ZNF469: variants seen among roughly 807,000 people sequenced by gnomAD.
ZNF469 encodes zinc finger protein 469.
In ZNF469, 1 loss-of-function variant was observed where a neutral mutation model predicts 1.0. That is an observed-to-expected ratio of 1.00 (90% CI 0.35 to 4.73). ZNF469 has a LOEUF of 4.73. Among genes scored for constraint, ZNF469 ranks in the 30% most tolerant of loss-of-function variants. ZNF469 has a pLI of 0.16. For synonymous variants in ZNF469, 2,703 were observed against 2,363.4 expected (o/e 1.14, Z -4.17); for missense variants, 6,100 against 5,356.3 (o/e 1.14, Z -4.33).
chr16:88,408,308 C>A (rs954478428), intron 1 of ZNF469, among the ~76,000 whole-genome samples: 1 of 152,226 alleles, frequency 6.6e-6, no homozygotes, highest in African/African-American at 2.4e-5. Flanking sequence ...CCCACCACCA[C>A]GCCCGGCTAA....
At chr16:88,378,535 G>A (rs1000637234), upstream of ZNF469, among the ~76,000 whole-genome samples, 5 of 152,152 alleles carry the variant, frequency 3.3e-5, no homozygotes, top group Non-Finnish European at 2.9e-5. Flanking sequence ...ATCAGAGGCC[G>A]TCCAGATGGG....
intron 1 of ZNF469, among the ~76,000 whole-genome samples, chr16:88,414,459 C>A (rs1436482249): frequency 6.6e-6 from 1 of 152,232 alleles, no homozygotes; most frequent in Admixed American, 6.5e-5. Context: ...GTTGGAGGCC[C>A]AGGGATGCTG....
the ZNF469 span, among the ~76,000 whole-genome samples, chr16:88,198,145 C>T: frequency 6.6e-6 from 1 of 152,248 alleles, no homozygotes; most frequent in African/African-American, 2.4e-5. Context: ...GGGCTGAGGA[C>T]AGAGCCCTTT....
At chr16:88,108,819 G>C in the ZNF469 span, among the ~76,000 whole-genome samples, 1 of 152,218 alleles carries the variant, frequency 6.6e-6, no homozygotes, top group South Asian at 2.1e-4. Context: ...GGGGAGTCCA[G>C]TGCCATGTGC....
chr16:88,251,995 G>C, the ZNF469 span, among the ~76,000 whole-genome samples: 2 of 150,682 alleles, frequency 1.3e-5, no homozygotes, highest in African/African-American at 4.9e-5. Flanking sequence ...CGGTGTCTCA[G>C]TGGCTTCCTT....
the ZNF469 span, among the ~76,000 whole-genome samples, chr16:88,232,045 A>T: frequency 6.6e-6 from 1 of 152,052 alleles, no homozygotes. Flanking sequence ...AGGCTCCTGG[A>T]CCTGGAGCCT....
At chr16:88,222,018 A>G in the ZNF469 span, among the ~76,000 whole-genome samples, 1 of 151,872 alleles carries the variant, frequency 6.6e-6, no homozygotes, top group African/African-American at 2.4e-5. Context: ...CCGTGGGCTT[A>G]TTTTTTGGGG....
At chr16:88,163,706 T>A in the ZNF469 span, among the ~76,000 whole-genome samples, 14 of 145,424 alleles carry the variant, frequency 9.6e-5, no homozygotes, top group Admixed American at 1.4e-4. Flanking sequence ...GTATGATGGA[T>A]GGGTGAGTGA....
At chr16:88,336,499 C>T in the ZNF469 span, among the ~76,000 whole-genome samples, 3 of 145,596 alleles carry the variant, frequency 2.1e-5, no homozygotes, top group South Asian at 6.7e-4. Context: ...TCACATGAGA[C>T]ACATGCCAAT....
rs1229482692 is a variant in ZNF469 at position 88,434,096 on chromosome 16, C to T, written c.6626C>T (p.Ala2209Val). 1 of 1,550,404 alleles carries T rather than the reference C, an allele frequency of 6.4e-7. No homozygotes were observed. Among genetic ancestry groups the T allele is most frequent in the Admixed American group, 2.0e-5 (1 of 51,012 alleles). ...LTTSPCDPKEALAGCLLQGEG... is the reference protein window; with the variant it reads ...LTTSPCDPKEVLAGCLLQGEG... ...ACAAGCCCCTGCGATCCCAAGGAAG[C>T]CCTGGCTGGTTGCCTTCTCCAGGGG... Residue 2209 changes from alanine to valine, a missense_variant, in exon 3 of 3, where the codon GCC becomes GTC. Transcript: ENST00000565624.
the ZNF469 span, among the ~76,000 whole-genome samples, chr16:88,323,076 T>C: frequency 7.9e-5 from 12 of 152,186 alleles, no homozygotes; most frequent in Non-Finnish European, 1.5e-4. Context: ...TGAGCCTCAG[T>C]TCCCCTCGTC....
the ZNF469 span, among the ~76,000 whole-genome samples, chr16:88,300,856 G>A: frequency 2.0e-5 from 3 of 152,158 alleles, no homozygotes. Flanking sequence ...CCTGAGGTCA[G>A]GAGTTGGAGA....
the ZNF469 span, among the ~76,000 whole-genome samples, chr16:88,143,392 G>A: frequency 1.3e-5 from 2 of 152,210 alleles, no homozygotes; most frequent in Admixed American, 1.3e-4. Flanking sequence ...TGCAGAGCGG[G>A]CTGGGGCGCC....
the ZNF469 span, among the ~76,000 whole-genome samples, chr16:88,102,525 AAAAC>A: frequency 1.3e-5 from 2 of 152,200 alleles, no homozygotes; most frequent in African/African-American, 2.4e-5. Flanking sequence ...AAAACAAACA[AAAAC>A]AAACAAACAA....
chr16:88,285,098 G>A, the ZNF469 span, among the ~76,000 whole-genome samples: 3 of 152,214 alleles, frequency 2.0e-5, no homozygotes, highest in Non-Finnish European at 4.4e-5. Context: ...CCTCATACCC[G>A]TCAGCTTCAG....
the ZNF469 span, among the ~76,000 whole-genome samples, chr16:88,356,189 C>A: frequency 5.9e-5 from 9 of 152,164 alleles, no homozygotes; most frequent in Admixed American, 1.3e-4. Context: ...CTGGTGGGGG[C>A]CTCCTCGGCT....
chr16:88,433,353 T>G lies in ZNF469; in HGVS notation c.5883T>G (p.Gly1961=). The G allele has an allele frequency of 6.5e-7, 1 of 1,549,690 alleles. No individual in the cohort carries two copies. Among genetic ancestry groups the G allele is most frequent in the Non-Finnish European group, 8.7e-7 (1 of 1,146,746 alleles). Residue 1961 remains glycine (G), a synonymous_variant, in exon 3 of 3, where the codon GGT becomes GGG. Transcript: ENST00000565624. The part of the protein sequence containing the change: ...ACGPAQGSPG[G]VQVTTLPAVA... ...GCCCCGCCCAGGGCTCCCCAGGGGG[T>G]GTGCAGGTGACAACTCTCCCTGCAG...
chr16:88,209,441 C>A, the ZNF469 span, among the ~76,000 whole-genome samples: 28 of 152,028 alleles, frequency 1.8e-4, no homozygotes, highest in Non-Finnish European at 3.5e-4. Flanking sequence ...CAGGTACCCG[C>A]CACCGCACCC....
chr16:88,355,383 C>G, the ZNF469 span, among the ~76,000 whole-genome samples: 1 of 152,266 alleles, frequency 6.6e-6, no homozygotes, highest in African/African-American at 2.4e-5. Flanking sequence ...GCCTCTGGTT[C>G]CTACCCTCCC....
Sources: allele counts gnomAD v4.1 joint callset (sites outside exome capture counted in the v4.1 genomes callset), GRCh38; gene constraint gnomAD v4.1.1; transcripts MANE v1.5; gene names NCBI Gene and HGNC (gene_info 2026-07-23, HGNC 2026-07-21).